Variants in NAV2 observed in about 807,000 individuals in gnomAD.
NAV2 encodes the protein neuron navigator 2, also known as helicase, APC down-regulated 1.
Under a neutral mutation model 223.2 loss-of-function variants are expected in NAV2, and 54 were observed. That is an observed-to-expected ratio of 0.24 (90% CI 0.19 to 0.30). The LOEUF (loss-of-function observed/expected upper bound fraction) is 0.30. Among genes scored for constraint, NAV2 ranks in the 10% least tolerant of loss-of-function variants. The pLI is 1.00. For missense variants in NAV2, 2,806 were observed against 3,147.5 expected (o/e 0.89, Z 2.60); for synonymous variants, 1,279 against 1,239.3 (o/e 1.03, Z -0.67).
intron 6 of NAV2, among the ~76,000 whole-genome samples, chr11:19,906,183 T>G (rs1274267184): frequency 2.0e-5 from 3 of 152,172 alleles, no homozygotes; most frequent in African/African-American, 7.2e-5. Context: ...TACATGGTCT[T>G]TCATCTCCCA....
At chr11:19,347,279 G>T (rs888705943), upstream of NAV2, among the ~76,000 whole-genome samples, 1 of 152,184 alleles carries the variant, frequency 6.6e-6, no homozygotes, top group Non-Finnish European at 1.5e-5. Flanking sequence ...ATTTAACAGG[G>T]AATGAAGTTT....
chr11:19,763,070 C>A (rs1434781676), intron 1 of NAV2, among the ~76,000 whole-genome samples: 1 of 152,204 alleles, frequency 6.6e-6, no homozygotes, highest in African/African-American at 2.4e-5. Context: ...AGGGCAGGAA[C>A]CTTGTCTGTC....
rs180753431 is a variant in NAV2, at chr11:19,415,080, A to G, written c.75+64053A>G. On this transcript the variant is annotated intron_variant, in intron 1 of 37. Coordinates refer to the NAV2 transcript ENST00000360655. The stretch of plus-strand genomic sequence containing the variant: ...AAAATTCAAAAACTAGCAGAAGACA[A>G]GAAATAACTAAGATCAGAGCAGAAA... 1.6e-4 allele frequency among the ~76,000 whole-genome samples: 24 copies of G among 152,314 alleles called. No individual in the cohort carries two copies. The East Asian group carries it at 4.6e-3, about 29-fold the overall frequency.
chr11:19,368,820 T>C (rs1243409408), intron 1 of NAV2, among the ~76,000 whole-genome samples: 1 of 152,256 alleles, frequency 6.6e-6, no homozygotes, highest in Non-Finnish European at 1.5e-5. Flanking sequence ...AGATTTTAGC[T>C]GTGCAACTTT....
At chr11:19,408,851 A>G (rs960170161) in intron 1 of NAV2, among the ~76,000 whole-genome samples, 1 of 151,814 alleles carries the variant, frequency 6.6e-6, no homozygotes, top group East Asian at 1.9e-4. Context: ...TCCAAACTGA[A>G]GACAGCCCTC....
At position 19,469,431 on chromosome 11, in the gene NAV2, A is replaced by C. The variant is rs1480548195; in HGVS notation, c.75+118404A>C. 3.3e-5 allele frequency among the ~76,000 whole-genome samples: 5 copies of C among 152,176 alleles called. No homozygotes were observed. In the East Asian group the frequency reaches 9.6e-4, roughly 29 times the overall value. ...TCGTACACTCTGCCTTTCCTGCACA[A>C]CTGGGTGGGAAAATCTACCATTCCT... On this transcript the variant is annotated intron_variant, in intron 1 of 37. Transcript: ENST00000360655.
chr11:19,347,403 A>G (rs1176928437), upstream of NAV2, among the ~76,000 whole-genome samples: 4 of 152,166 alleles, frequency 2.6e-5, no homozygotes, highest in African/African-American at 7.2e-5. Flanking sequence ...ACCTGTCTTT[A>G]ACCTCCGTCC....
chr11:19,617,509 C>T (rs1281319995), intron 1 of NAV2, among the ~76,000 whole-genome samples: 1 of 152,188 alleles, frequency 6.6e-6, no homozygotes, highest in African/African-American at 2.4e-5. Context: ...GGCCTGCCTT[C>T]AAGGGACTTC....
At chr11:19,992,472 T>A (rs1308836575) in intron 11 of NAV2, among the ~76,000 whole-genome samples, 1 of 152,130 alleles carries the variant, frequency 6.6e-6, no homozygotes, top group African/African-American at 2.4e-5. Context: ...CTCATGAGAA[T>A]CTCTCATTCC....
chr11:19,916,250 C>A (rs796314068), intron 6 of NAV2, among the ~76,000 whole-genome samples: 12 of 152,254 alleles, frequency 7.9e-5, no homozygotes, highest in African/African-American at 2.9e-4. Context: ...TTATCCTATT[C>A]CCAAATATCT....
intron 1 of NAV2, among the ~76,000 whole-genome samples, chr11:19,454,385 G>A (rs1851890155): frequency 6.6e-6 from 1 of 152,194 alleles, no homozygotes; most frequent in African/African-American, 2.4e-5. Context: ...AGAGGACACA[G>A]CCTGTCTGTG....
intron 6 of NAV2, among the ~76,000 whole-genome samples, chr11:19,909,907 A>G (rs2153219634): frequency 6.6e-6 from 1 of 152,204 alleles, no homozygotes; most frequent in South Asian, 2.1e-4. Context: ...GGCATATATA[A>G]TAACTTATAT....
At chr11:19,468,298 A>G (rs1279642421) in intron 1 of NAV2, among the ~76,000 whole-genome samples, 2 of 152,198 alleles carry the variant, frequency 1.3e-5, no homozygotes, top group African/African-American at 4.8e-5. Context: ...ACAAACTGGG[A>G]GATTTAAAGC....
intron 1 of NAV2, among the ~76,000 whole-genome samples, chr11:19,619,530 A>G (rs2046917817): frequency 6.6e-6 from 1 of 152,068 alleles, no homozygotes; most frequent in Non-Finnish European, 1.5e-5. Flanking sequence ...GCATTTTTTC[A>G]CGTGTCTGTT....
chr11:19,986,645 T>A (rs10766612), intron 11 of NAV2, among the ~76,000 whole-genome samples: 106,244 of 152,150 alleles, frequency 0.7, 38,027 homozygotes, highest in Middle Eastern at 0.83. Flanking sequence ...AAAAACAAAC[T>A]GAGTGGATAA....
Position 19,838,283 on chromosome 11 carries a change from G to A in NAV2, c.386-4588G>A, listed in dbSNP as rs182129050. On this transcript the variant is annotated intron_variant, in intron 2 of 37. Transcript: ENST00000349880. ...ATGGTTGAGGACCCACTCCATCGTGGGTCAGGTGCTCAGACCCGACCTATG... is the reference window on the plus strand; with the variant it reads ...ATGGTTGAGGACCCACTCCATCGTGAGTCAGGTGCTCAGACCCGACCTATG... Among the ~76,000 whole-genome samples the A allele has an allele frequency of 3.9e-5, 6 of 152,242 alleles. No homozygotes were observed. The East Asian group carries it at 1.2e-3, about 29-fold the overall frequency.
intron 1 of NAV2, among the ~76,000 whole-genome samples, chr11:19,641,150 A>C (rs1202001284): frequency 6.6e-6 from 1 of 152,136 alleles, no homozygotes; most frequent in Non-Finnish European, 1.5e-5. Flanking sequence ...CCCACCTGGG[A>C]GGGGCAGAGG....
intron 6 of NAV2, among the ~76,000 whole-genome samples, chr11:19,896,616 A>G (rs1377546738): frequency 2.6e-5 from 4 of 152,226 alleles, no homozygotes; most frequent in Non-Finnish European, 1.5e-5. Context: ...CATCCATGTC[A>G]TAGCCTGCAA....
intron 18 of NAV2, among the ~76,000 whole-genome samples, chr11:20,055,296 A>T (rs1175150894): frequency 6.6e-6 from 1 of 152,210 alleles, no homozygotes; most frequent in Non-Finnish European, 1.5e-5. Flanking sequence ...GAAACTCTTT[A>T]TATACCATTA....
Sources: allele counts gnomAD v4.1 joint callset (sites outside exome capture counted in the v4.1 genomes callset), GRCh38; gene constraint gnomAD v4.1.1; transcripts MANE v1.5; gene names NCBI Gene and HGNC (gene_info 2026-07-23, HGNC 2026-07-21).